The following GATAD2A variants were observed in gnomAD, a reference collection of about 807,000 sequenced individuals.
The protein encoded by GATAD2A is GATA zinc finger domain containing 2A, also known as transcriptional repressor p66-alpha.
A neutral mutation model predicts 68.5 loss-of-function variants in GATAD2A; 12 were observed. The ratio of observed to expected loss-of-function variants is 0.18; its 90% CI spans 0.11 to 0.28. The LOEUF (loss-of-function observed/expected upper bound fraction) is 0.28. Ranked by LOEUF, GATAD2A falls within the 10% of genes least tolerant of loss-of-function variation. GATAD2A has a pLI of 1.00. For missense variants in GATAD2A, 755 were observed against 868.5 expected (o/e 0.87, Z 1.64); for synonymous variants, 410 against 375.3 (o/e 1.09, Z -1.07).
At chr19:19,433,914 G>A (rs10413582) in intron 1 of GATAD2A, among the ~76,000 whole-genome samples, 5,322 of 152,106 alleles carry the variant, frequency 0.035, 323 homozygotes, top group African/African-American at 0.12. Context: ...GACCTCAGGT[G>A]CACGCCACCA....
intron 1 of GATAD2A, among the ~76,000 whole-genome samples, chr19:19,458,274 C>G (rs147328470): frequency 6.6e-6 from 1 of 152,320 alleles, no homozygotes; most frequent in Non-Finnish European, 1.5e-5. Context: ...ATGCTGTTCC[C>G]CTGCCTGGAA....
At chr19:19,456,913 AC>A (rs924333257) in intron 1 of GATAD2A, among the ~76,000 whole-genome samples, 2 of 152,166 alleles carry the variant, frequency 1.3e-5, no homozygotes. Flanking sequence ...GAGAGTATTT[AC>A]CTTACAGGTG....
intron 1 of GATAD2A, 101 bp from the exon 2 acceptor site, chr19:19,465,239 C>G: frequency 1.1e-6 from 1 of 875,562 alleles, no homozygotes; most frequent in South Asian, 1.5e-5. Context: ...CCATCCTTCC[C>G]ATAGGGAGGA....
intron 1 of GATAD2A, among the ~76,000 whole-genome samples, chr19:19,456,178 A>G (rs950938350): frequency 3.3e-5 from 5 of 151,784 alleles, no homozygotes; most frequent in South Asian, 2.1e-4. Flanking sequence ...AAAAGAGAGA[A>G]AAAGTTTGCC....
Position 19,501,402 on chromosome 19 carries a change from C to T in GATAD2A, c.1489C>T (p.Pro497Ser). 6.3e-6 allele frequency: 10 copies of T among 1,599,702 alleles called. No homozygotes were observed. Among genetic ancestry groups the T allele is most frequent in the Non-Finnish European group, 8.5e-6 (10 of 1,173,902 alleles). Residue 497 changes from proline to serine, a missense_variant, in exon 9 of 12, where the codon CCC becomes TCC. Transcript: ENST00000683918. ...AKAEPTAAPHPVLKQVIKPRR... is the reference protein window; with the variant it reads ...AKAEPTAAPHSVLKQVIKPRR... ...GGCCGAGCCCACCGCTGCCCCACAC[C>T]CCGTGCTGAAGCAGGTGAGCCTGGC... is the stretch of plus-strand genomic sequence containing the variant.
intron 1 of GATAD2A, among the ~76,000 whole-genome samples, chr19:19,417,109 C>T (rs561785322): frequency 6.6e-5 from 10 of 152,180 alleles, no homozygotes; most frequent in Non-Finnish European, 1.0e-4. Flanking sequence ...AGAGCTTAAG[C>T]TGCTTCGGCA....
intron 1 of GATAD2A, among the ~76,000 whole-genome samples, chr19:19,399,705 G>A (rs1480996026): frequency 1.3e-5 from 2 of 152,070 alleles, no homozygotes; most frequent in Non-Finnish European, 2.9e-5. Context: ...AACTAGAAGG[G>A]CACTCCACCT....
intron 1 of GATAD2A, among the ~76,000 whole-genome samples, chr19:19,462,932 G>A (rs960145979): frequency 6.6e-6 from 1 of 152,206 alleles, no homozygotes; most frequent in African/African-American, 2.4e-5. Flanking sequence ...GAGGGGCCCT[G>A]CCTGGCTGGA....
chr19:19,461,208 A>G (rs1187343980), intron 1 of GATAD2A, among the ~76,000 whole-genome samples: 1 of 152,096 alleles, frequency 6.6e-6, no homozygotes, highest in African/African-American at 2.4e-5. Context: ...GCGAAGCCTC[A>G]CTTTCTTCCT....
rs545741316 is a variant in GATAD2A at position 19,389,496 on chromosome 19, C to T, written c.-7+3358C>T. ...GCTATAATTTGAGTTCTAAATCTGT[C>T]GGTGGACCATGTGGACACAAGTTTC... On this transcript the variant is annotated intron_variant, in intron 1 of 11. Coordinates refer to the GATAD2A transcript ENST00000360315. Among the ~76,000 whole-genome samples the T allele has an allele frequency of 2.0e-5, 3 of 152,226 alleles. No individual in the cohort carries two copies. The South Asian group carries it at 6.2e-4, about 32-fold the overall frequency.
At chr19:19,410,152 T>C (rs537336530) in intron 1 of GATAD2A, among the ~76,000 whole-genome samples, 2 of 152,260 alleles carry the variant, frequency 1.3e-5, no homozygotes, top group South Asian at 2.1e-4. Context: ...ACAGGTGAGT[T>C]TGTCAGGGAA....
Position 19,419,510 on chromosome 19 carries a change from CTTTTTTTTTTT to C in GATAD2A, c.-7+13505_-7+13515del, listed in dbSNP as rs57019208. Among the ~76,000 whole-genome samples the C allele has an allele frequency of 4.3e-3, 481 of 110,670 alleles. 4 individuals are homozygous for C. The highest frequency in any genetic ancestry group is 0.015 in the African/African-American group (425 of 28,224). 72.6% of individuals were successfully genotyped at this position (110,670 alleles called of 152,430 possible). A position where few individuals can be genotyped will look rare whatever the true frequency, so the allele number is the denominator to read the frequency against. On this transcript the variant is annotated intron_variant, in intron 1 of 11. Coordinates refer to ENST00000683918, the MANE Select transcript of GATAD2A (RefSeq NM_001384528.1). The stretch of plus-strand genomic sequence containing the variant: ...CCTGGGTCTGTAATGATCTCTACAT[CTTTTTTTTTTT>C]TTTTTTTTTTTTTAAGATGGAGTCT...
intron 1 of GATAD2A, among the ~76,000 whole-genome samples, chr19:19,461,377 G>C (rs2057416450): frequency 1.3e-5 from 2 of 152,182 alleles, no homozygotes; most frequent in Admixed American, 1.3e-4. Context: ...ATGCGTACTG[G>C]CCTGGTGTGC....
At chr19:19,502,097 C>A in intron 10 of GATAD2A, 54 bp downstream of exon 10, 1 of 1,345,368 alleles carries the variant, frequency 7.4e-7, no homozygotes, top group South Asian at 1.2e-5. Context: ...AGCCCGTGAC[C>A]ACGTCAGTCG....
intron 2 of GATAD2A, among the ~76,000 whole-genome samples, chr19:19,491,198 C>T (rs976510250): frequency 8.5e-5 from 13 of 152,162 alleles, no homozygotes; most frequent in Non-Finnish European, 7.3e-5. Flanking sequence ...TTCACTGTTT[C>T]CCAGTTCTGA....
At chr19:19,408,236 C>T (rs544892078) in intron 1 of GATAD2A, among the ~76,000 whole-genome samples, 5 of 152,348 alleles carry the variant, frequency 3.3e-5, no homozygotes, top group Non-Finnish European at 5.9e-5. Flanking sequence ...CTGCCCACCT[C>T]AGCCTCCCAA....
chr19:19,461,965 G>T (rs2057468579), intron 1 of GATAD2A, among the ~76,000 whole-genome samples: 1 of 152,182 alleles, frequency 6.6e-6, no homozygotes, highest in African/African-American at 2.4e-5. Flanking sequence ...TGCACTGGCA[G>T]CTCCCGCACA....
chr19:19,485,962 C>G (rs993681940), intron 2 of GATAD2A, among the ~76,000 whole-genome samples: 1 of 152,232 alleles, frequency 6.6e-6, no homozygotes. Flanking sequence ...AGCACAACAT[C>G]TATGTGCACG....
rs923975952 is a variant in GATAD2A, at chr19:19,418,161, G to A, written c.-7+12142G>A. ...TGGGACAGCTGGGTATTGGCCCTGGGCAGTCATTGTCAGCTGTGATGGCCG... is the reference window on the plus strand; with the variant it reads ...TGGGACAGCTGGGTATTGGCCCTGGACAGTCATTGTCAGCTGTGATGGCCG... On this transcript the variant is annotated intron_variant, in intron 1 of 11. Transcript: ENST00000683918. Among the ~76,000 whole-genome samples, 3 of 152,182 alleles carry A rather than the reference G, an allele frequency of 2.0e-5. No homozygotes were observed. The South Asian group carries it at 6.2e-4, about 31-fold the overall frequency.
Sources: allele counts gnomAD v4.1 joint callset (sites outside exome capture counted in the v4.1 genomes callset), GRCh38; gene constraint gnomAD v4.1.1; transcripts MANE v1.5; gene names NCBI Gene and HGNC (gene_info 2026-07-23, HGNC 2026-07-21).